CENPK: variants seen among roughly 807,000 people sequenced by gnomAD.
CENPK encodes the protein SoxLZ/Sox6-binding protein Solt.
In CENPK, 46 loss-of-function variants were observed where a neutral mutation model predicts 40.9. The ratio of observed to expected loss-of-function variants is 1.13; its 90% CI spans 0.89 to 1.44. CENPK has a LOEUF of 1.44. Among genes scored for constraint, CENPK ranks in the 40% most tolerant of loss-of-function variants. The pLI is 0.00. For synonymous variants in CENPK, 107 were observed against 104.4 expected (o/e 1.02, Z -0.15); for missense variants, 288 against 303.5 (o/e 0.95, Z 0.38).
chr5:65,548,874 G>A (rs878921750), intron 5 of CENPK, among the ~76,000 whole-genome samples: 1 of 152,090 alleles, frequency 6.6e-6, no homozygotes, highest in Admixed American at 6.5e-5. Context: ...AGTCATCCAT[G>A]AGGGTTAGAA....
Position 65,542,379 on chromosome 5 carries a change from C to A in CENPK, c.288+423G>T, listed in dbSNP as rs577980085. Among the ~76,000 whole-genome samples the A allele has an allele frequency of 4.6e-5, 7 of 152,300 alleles. No homozygotes were observed. The South Asian group carries it at 1.4e-3, about 32-fold the overall frequency. ...TTAGGCCAGGTGTGGTGGCTTACGC[C>A]TGTAATCCCAGCACTTTGGGAGACT... On this transcript the variant is annotated intron_variant, in intron 6 of 10. Coordinates refer to ENST00000396679, the MANE Select transcript of CENPK (RefSeq NM_022145.5).
chr5:65,562,720 T>A (rs1581133716), intron 1 of CENPK: 1 of 151,936 alleles, frequency 6.6e-6, no homozygotes. Flanking sequence ...GAAAGAAGAG[T>A]GACCCGTTCT....
intron 5 of CENPK, 137 bp from the exon 6 acceptor site, chr5:65,542,985 G>T: frequency 3.0e-6 from 2 of 671,824 alleles, no homozygotes; most frequent in Non-Finnish European, 4.8e-6. Context: ...CCCCTCCAAG[G>T]CAGAGTTTCC....
At chr5:65,536,990 C>T (rs576121967) in intron 6 of CENPK, among the ~76,000 whole-genome samples, 6 of 152,180 alleles carry the variant, frequency 3.9e-5, no homozygotes, top group African/African-American at 7.2e-5. Flanking sequence ...TCAGCCCTGC[C>T]GTTTCCTGTC....
At chr5:65,508,995 A>G in the CENPK span, among the ~76,000 whole-genome samples, 1 of 152,176 alleles carries the variant, frequency 6.6e-6, no homozygotes. Context: ...ACTGGGAGAA[A>G]CTATTTGTAA....
intron 2 of CENPK, 94 bp from the exon 3 acceptor site, chr5:65,555,040 CA>C: frequency 1.6e-6 from 1 of 637,552 alleles, no homozygotes; most frequent in Non-Finnish European, 2.8e-6. Context: ...TAGCAATGAA[CA>C]AAATAGACAA....
chr5:65,501,264 C>T, the CENPK span, among the ~76,000 whole-genome samples: 10,855 of 144,228 alleles, frequency 0.075, 402 homozygotes, highest in East Asian at 0.1. Context: ...CTGCCACATC[C>T]ACCTCCCGTG....
At chr5:65,551,693 T>C (rs1195403609) in intron 4 of CENPK, 57 bp from the exon 5 acceptor site, 3 of 961,146 alleles carry the variant, frequency 3.1e-6, no homozygotes, top group African/African-American at 3.4e-5. Flanking sequence ...TATTCATAGA[T>C]GAAAATATAA....
intron 3 of CENPK, among the ~76,000 whole-genome samples, chr5:65,554,200 G>A (rs1233727049): frequency 6.6e-6 from 1 of 150,752 alleles, no homozygotes; most frequent in Non-Finnish European, 1.5e-5. Context: ...GGAGTGCAGT[G>A]GCACTATCTC....
the CENPK span, among the ~76,000 whole-genome samples, chr5:65,508,140 C>T: frequency 6.6e-6 from 1 of 152,124 alleles, no homozygotes; most frequent in Non-Finnish European, 1.5e-5. Context: ...TACTATATTT[C>T]CCTGTGTAAG....
downstream of CENPK, among the ~76,000 whole-genome samples, chr5:65,513,123 T>G (rs544960898): frequency 1.3e-5 from 2 of 152,326 alleles, no homozygotes; most frequent in South Asian, 4.1e-4. Context: ...TTGTGGCATA[T>G]TTTTTCATTT....
At chr5:65,526,303 A>C (rs1247749396) in intron 9 of CENPK, among the ~76,000 whole-genome samples, 1 of 152,220 alleles carries the variant, frequency 6.6e-6, no homozygotes, top group East Asian at 1.9e-4. Flanking sequence ...AGGAATCATG[A>C]CTTTAATGAA....
intron 8 of CENPK, 62 bp from the exon 9 acceptor site, chr5:65,528,640 T>TG: frequency 7.1e-7 from 1 of 1,407,528 alleles, no homozygotes. Flanking sequence ...CACATGTAAC[T>TG]AGTTATTCAT....
At chr5:65,498,371 T>C in the CENPK span, among the ~76,000 whole-genome samples, 1 of 152,056 alleles carries the variant, frequency 6.6e-6, no homozygotes, top group Non-Finnish European at 1.5e-5. Flanking sequence ...AACACTTATG[T>C]AACTTACCAT....
chr5:65,534,050 CAAAA>C (rs60018569), intron 6 of CENPK, among the ~76,000 whole-genome samples: 42 of 90,992 alleles, frequency 4.6e-4, no homozygotes, highest in East Asian at 3.3e-4. Flanking sequence ...ACCGTCTCAA[CAAAA>C]AAAAAAAAAA....
At chr5:65,561,438 A>C (rs1751942498) in intron 2 of CENPK, 25 bp downstream of exon 2, 1 of 436,736 alleles carries the variant, frequency 2.3e-6, no homozygotes, top group South Asian at 1.6e-5. Context: ...AAACATATAG[A>C]AACATTTAAG....
intron 7 of CENPK, 33 bp downstream of exon 7, chr5:65,529,084 G>A (rs370658786): frequency 7.9e-5 from 121 of 1,534,796 alleles, no homozygotes; most frequent in Non-Finnish European, 9.3e-5. Flanking sequence ...TAATATATAT[G>A]AATGATTAAT....
chr5:65,537,952 C>T (rs1014977897), intron 6 of CENPK, among the ~76,000 whole-genome samples: 8 of 152,110 alleles, frequency 5.3e-5, no homozygotes, highest in Admixed American at 6.5e-5. Context: ...GAAACTGCTG[C>T]GACATAGAGT....
chr5:65,515,170 C>T (rs1742774509), downstream of CENPK, among the ~76,000 whole-genome samples: 2 of 150,596 alleles, frequency 1.3e-5, no homozygotes, highest in Admixed American at 6.6e-5. Flanking sequence ...TATAAATTAC[C>T]CTCTAGCCAC....
Sources: allele counts gnomAD v4.1 joint callset (sites outside exome capture counted in the v4.1 genomes callset), GRCh38; gene constraint gnomAD v4.1.1; transcripts MANE v1.5; gene names NCBI Gene and HGNC (gene_info 2026-07-23, HGNC 2026-07-21).